CSMD3: variants seen among roughly 807,000 people sequenced by gnomAD.
CSMD3 encodes the protein CUB and Sushi multiple domains 3, also known as CUB and sushi domain-containing protein 3.
In CSMD3, 177 loss-of-function variants were observed where a neutral mutation model predicts 435.2. The ratio of observed to expected loss-of-function variants is 0.41; its 90% CI spans 0.36 to 0.46. The LOEUF (loss-of-function observed/expected upper bound fraction) is 0.46. CSMD3 is among the 20% of genes least tolerant of loss of function. The pLI, the probability that CSMD3 is intolerant of heterozygous loss-of-function variation, is 0.34. For missense variants in CSMD3, 4,265 were observed against 4,504.6 expected (o/e 0.95, Z 1.52); for synonymous variants, 1,656 against 1,520.5 (o/e 1.09, Z -2.07).
At chr8:113,279,784 T>C (rs998350422) in intron 2 of CSMD3, among the ~76,000 whole-genome samples, 1 of 151,804 alleles carries the variant, frequency 6.6e-6, no homozygotes, top group Admixed American at 6.6e-5. Context: ...ATAAACTCAG[T>C]TATGAGTCTA....
chr8:113,200,534 A>G (rs1481249087), intron 3 of CSMD3, among the ~76,000 whole-genome samples: 5 of 151,814 alleles, frequency 3.3e-5, no homozygotes, highest in Admixed American at 6.6e-5. Flanking sequence ...ACACTATACT[A>G]CAGCTAAAGA....
At chr8:113,423,086 A>G (rs573408406) in intron 1 of CSMD3, among the ~76,000 whole-genome samples, 138 of 152,176 alleles carry the variant, frequency 9.1e-4, no homozygotes, top group Admixed American at 1.5e-3. Flanking sequence ...GTAATTTTAT[A>G]TATGTTTTTA....
In CSMD3 at chr8:112,409,031, C is replaced by A. The variant is rs2130079527; in HGVS notation, c.5397G>T (p.Val1799=). Residue 1799 remains valine, a splice_region_variant and synonymous_variant, in exon 33 of 71, where the codon GTG becomes GTT. Transcript: ENST00000297405. ...GGAAAAATACAAACTGGCCAAACACCACTGATCAACAGGAACCCGGAGAAG... is the reference window on the plus strand; with the variant it reads ...GGAAAAATACAAACTGGCCAAACACAACTGATCAACAGGAACCCGGAGAAG... ...VYSIAVPKEF[V]VFGQFVFFQT... is the part of the protein sequence containing the mutation. 6.2e-7 allele frequency: 1 copy of A among 1,613,330 alleles called. No individual in the cohort carries two copies.
chr8:113,158,463 A>C (rs2091975872), intron 4 of CSMD3, among the ~76,000 whole-genome samples: 1 of 152,090 alleles, frequency 6.6e-6, no homozygotes, highest in Non-Finnish European at 1.5e-5. Flanking sequence ...TAATAAAATA[A>C]AATAGAATAC....
intron 1 of CSMD3, among the ~76,000 whole-genome samples, chr8:113,411,324 T>C (rs998063241): frequency 2.6e-5 from 4 of 152,242 alleles, no homozygotes; most frequent in East Asian, 1.9e-4. Context: ...GTAACTTTAG[T>C]TAGGAAACTC....
chr8:112,537,668 T>A (rs77809605), intron 27 of CSMD3, among the ~76,000 whole-genome samples: 2,025 of 151,594 alleles, frequency 0.013, 43 homozygotes, highest in African/African-American at 0.046. Flanking sequence ...CTACCAAAAT[T>A]GATCCATGAA....
chr8:112,536,819 C>G (rs1826141254), intron 27 of CSMD3, among the ~76,000 whole-genome samples: 1 of 151,776 alleles, frequency 6.6e-6, no homozygotes, highest in Non-Finnish European at 1.5e-5. Context: ...CACATATACA[C>G]CATGGAATAC....
chr8:112,557,219 G>A (rs923399609), intron 24 of CSMD3, among the ~76,000 whole-genome samples: 2 of 151,656 alleles, frequency 1.3e-5, no homozygotes, highest in Non-Finnish European at 2.9e-5. Context: ...TAAGCTTCCT[G>A]TCTGCTTCAA....
chr8:112,481,544 C>T (rs1263671001), intron 31 of CSMD3, among the ~76,000 whole-genome samples: 2 of 152,064 alleles, frequency 1.3e-5, no homozygotes, highest in Admixed American at 6.5e-5. Flanking sequence ...CAATAATTTA[C>T]TAGATGTGGC....
chr8:112,721,819 G>A (rs777733217), intron 13 of CSMD3, among the ~76,000 whole-genome samples: 33 of 151,924 alleles, frequency 2.2e-4, no homozygotes, highest in Middle Eastern at 6.3e-3. Context: ...AGTTTTGAAG[G>A]GATGATATTA....
At position 112,492,696 on chromosome 8, in the gene CSMD3, G is replaced by A; in HGVS notation, c.5084-13C>T. ...TCTCGCAGTTTTGCTGTAAAACAGT[G>A]TTAGTATAACATTAATTGCTTTAAA... On this transcript the variant is annotated splice_polypyrimidine_tract_variant and intron_variant, in intron 30 of 70. Transcript: ENST00000297405. 6.2e-7 allele frequency: 1 copy of A among 1,608,114 alleles called. No individual in the cohort carries two copies. The highest frequency in any genetic ancestry group is 2.2e-5 in the East Asian group (1 of 44,824).
intron 5 of CSMD3, among the ~76,000 whole-genome samples, chr8:113,035,441 A>G (rs2131262058): frequency 6.6e-6 from 1 of 152,144 alleles, no homozygotes; most frequent in African/African-American, 2.4e-5. Context: ...CTGAACAAAG[A>G]CAAGACTATA....
At chr8:112,335,523 A>T (rs1824474768) in intron 44 of CSMD3, 49 bp from the exon 45 acceptor site, 1 of 1,556,858 alleles carries the variant, frequency 6.4e-7, no homozygotes, top group Non-Finnish European at 8.9e-7. Context: ...TTGATTGTGG[A>T]AGTAGTTTTG....
rs371462950 is a variant in CSMD3 at position 112,790,067 on chromosome 8, CTT to C, written c.1972+10093_1972+10094del. On this transcript the variant is annotated intron_variant, in intron 13 of 70. Coordinates refer to ENST00000297405, the MANE Select transcript of CSMD3 (RefSeq NM_198123.2). ...ATTTGGGTTTTACATTAACCAATCT[CTT>C]TTACAGATTACAGATTGATATATTT... 5.5e-4 allele frequency among the ~76,000 whole-genome samples: 84 copies of C among 151,986 alleles called. 2 individuals carry two copies. The East Asian group carries it at 8.7e-3, about 16-fold the overall frequency.
At chr8:112,713,513 T>C (rs2076655160) in intron 13 of CSMD3, among the ~76,000 whole-genome samples, 1 of 151,604 alleles carries the variant, frequency 6.6e-6, no homozygotes, top group East Asian at 2.0e-4. Context: ...CAGGATATTA[T>C]CCAGGAGAAC....
chr8:112,891,537 C>G (rs943083265), intron 10 of CSMD3, among the ~76,000 whole-genome samples: 1 of 151,436 alleles, frequency 6.6e-6, no homozygotes, highest in Admixed American at 6.6e-5. Context: ...GGAGAGGGTT[C>G]TGATTTTCCA....
chr8:113,395,483 T>C (rs1256402253), intron 1 of CSMD3, among the ~76,000 whole-genome samples: 6 of 151,344 alleles, frequency 4.0e-5, no homozygotes, highest in Admixed American at 3.3e-4. Flanking sequence ...GTGGCGGGCG[T>C]CTGTAGTCCC....
intron 5 of CSMD3, 170 bp downstream of exon 5, chr8:113,098,586 A>G (rs1393441508): frequency 9.9e-6 from 6 of 604,628 alleles, no homozygotes; most frequent in Non-Finnish European, 1.8e-5. Flanking sequence ...TTTTTTATGT[A>G]AATAGCTCGA....
rs183018644 is a variant in CSMD3 at position 112,475,796 on chromosome 8, G to C, written c.5279-3089C>G. Among the ~76,000 whole-genome samples, 10 of 152,220 alleles carry C rather than the reference G, an allele frequency of 6.6e-5. No individual in the cohort carries two copies. In the East Asian group the frequency reaches 1.9e-3, roughly 29 times the overall value. On this transcript the variant is annotated intron_variant, in intron 31 of 70. Transcript: ENST00000297405. ...TTTAATGTCATCTTATTGGCTAATG[G>C]AGAAAAGGGCAGCTTTTATCTTTCT... is the stretch of plus-strand genomic sequence containing the variant.
Sources: allele counts gnomAD v4.1 joint callset (sites outside exome capture counted in the v4.1 genomes callset), GRCh38; gene constraint gnomAD v4.1.1; transcripts MANE v1.5; gene names NCBI Gene and HGNC (gene_info 2026-07-23, HGNC 2026-07-21).